ATP6V0A1: variants seen among roughly 807,000 people sequenced by gnomAD.
ATP6V0A1 encodes ATPase H+ transporting V0 subunit a1.
ATP6V0A1 carries 43 observed loss-of-function variants against 105.4 expected under a neutral mutation model. The observed-to-expected ratio is 0.41, with a 90% confidence interval of 0.32 to 0.53. The LOEUF (loss-of-function observed/expected upper bound fraction) is 0.53. Ranked by LOEUF, ATP6V0A1 falls within the 20% of genes least tolerant of loss-of-function variation. The probability of loss-of-function intolerance (pLI) is 0.30; values close to 1 mark genes in which losing one functional copy is unlikely to be tolerated. For missense variants in ATP6V0A1, 676 were observed against 1,051.1 expected (o/e 0.64, Z 4.93); for synonymous variants, 362 against 372.8 (o/e 0.97, Z 0.33).
intron 7 of ATP6V0A1, 21 bp from the exon 8 acceptor site, chr17:42,480,646 T>G: frequency 6.3e-7 from 1 of 1,594,832 alleles, no homozygotes; most frequent in Non-Finnish European, 8.5e-7. Context: ...TGAACTCTTG[T>G]TTTTTTATTC....
At chr17:42,517,699 C>T (rs186483312) in intron 21 of ATP6V0A1, among the ~76,000 whole-genome samples, 1 of 152,304 alleles carries the variant, frequency 6.6e-6, no homozygotes, top group Admixed American at 6.5e-5. Context: ...CCCAGGACTG[C>T]AGGAGGCGTT....
intron 2 of ATP6V0A1, among the ~76,000 whole-genome samples, chr17:42,462,220 CAA>C (rs1251035027): frequency 1.6e-4 from 20 of 125,068 alleles, no homozygotes; most frequent in African/African-American, 1.8e-4. Flanking sequence ...GTCTCAAAAC[CAA>C]AAAAAAAAAA....
intron 17 of ATP6V0A1, among the ~76,000 whole-genome samples, chr17:42,506,762 G>A (rs775099059): frequency 6.6e-6 from 1 of 152,130 alleles, no homozygotes; most frequent in South Asian, 2.1e-4. Context: ...TTCAAATCAA[G>A]TTGACTTTAA....
intron 9 of ATP6V0A1, among the ~76,000 whole-genome samples, chr17:42,483,734 A>T (rs796155292): frequency 6.6e-6 from 1 of 152,170 alleles, no homozygotes; most frequent in East Asian, 1.9e-4. Context: ...AGCATGTGCC[A>T]CTAAACCTGG....
Position 42,478,492 on chromosome 17 carries a change from G to T in ATP6V0A1, c.536G>T (p.Arg179Leu), listed in dbSNP as rs565034112. The T allele has an allele frequency of 6.2e-7, 1 of 1,608,096 alleles. No individual in the cohort carries two copies. Among genetic ancestry groups the T allele is most frequent in the Non-Finnish European group, 8.5e-7 (1 of 1,176,566 alleles). ...GFVAGVINRE[R>L]IPTFERMLWR... ...GTGGCTGGTGTCATTAACCGGGAGC[G>T]CATCCCTACTTTTGAGCGCATGCTT... Residue 179 changes from arginine (R) to leucine (L), a missense_variant, in exon 7 of 22, where the codon CGC (arginine) becomes CTC (leucine). This residue lies in a region of ATP6V0A1 where 239 missense variants were observed against 388.4 expected (regional missense o/e 0.62). Transcript: ENST00000343619.
At chr17:42,520,495 C>T (rs1456472392) in intron 21 of ATP6V0A1, 12 of 456,508 alleles carry the variant, frequency 2.6e-5, no homozygotes, top group Admixed American at 2.4e-4. Context: ...TTTGCCATTG[C>T]TTTGAGAAGA....
In ATP6V0A1 at chr17:42,508,625, C is replaced by T. The variant is rs369785208; in HGVS notation, c.2130+36C>T. The T allele has an allele frequency of 4.1e-4, 668 of 1,613,668 alleles. 2 individuals are homozygous for T. The highest frequency in any genetic ancestry group is 2.0e-3 in the Middle Eastern group (12 of 6,056). Reference sequence around the variant, plus strand: ...AGCTGGCGTTGCCTTCGTGTTTATCCGGGCTTCTCTCTTCCCATCCTTGTG... The same window carrying T: ...AGCTGGCGTTGCCTTCGTGTTTATCTGGGCTTCTCTCTTCCCATCCTTGTG... On this transcript the variant is annotated intron_variant, in intron 19 of 21. Coordinates refer to ENST00000343619, the MANE Select transcript of ATP6V0A1 (RefSeq NM_001130021.3).
Position 42,521,232 on chromosome 17 carries a change from C to A in ATP6V0A1, c.*112C>A. ...TCTGTGGGCACCAGCTCATTCGTGT[C>A]ACCCTGTCTGTGAGTCATTTAGATA... On this transcript the variant is annotated 3_prime_UTR_variant, in exon 22 of 22. Coordinates refer to ENST00000343619, the MANE Select transcript of ATP6V0A1 (RefSeq NM_001130021.3). This position sits in a 1 kb window ranked among gnomAD's most constrained non-coding sequence, Gnocchi z 4.8. 3 of 948,938 alleles carry A rather than the reference C, an allele frequency of 3.2e-6. No individual in the cohort carries two copies. The highest frequency in any genetic ancestry group is 1.7e-5 in the South Asian group (1 of 57,356). 58.8% of individuals were successfully genotyped at this position (948,938 alleles called of 1,614,324 possible). A position where few individuals can be genotyped will look rare whatever the true frequency, so the allele number is the denominator to read the frequency against.
chr17:42,469,601 G>A (rs993368023), intron 4 of ATP6V0A1, among the ~76,000 whole-genome samples: 1 of 151,758 alleles, frequency 6.6e-6, no homozygotes, highest in Non-Finnish European at 1.5e-5. Flanking sequence ...CTCCCTAAGT[G>A]CTGGGATTAC....
At position 42,499,105 on chromosome 17, in the gene ATP6V0A1, A is replaced by T; in HGVS notation, c.1679+63A>T. 5 of 1,183,882 alleles carry T rather than the reference A, an allele frequency of 4.2e-6. No homozygotes were observed. In the South Asian group the frequency reaches 6.5e-5, roughly 15 times the overall value. The allele number at this position is 1,183,882 out of a possible 1,614,324, so 73.3% of individuals were successfully genotyped here. ...TTTAGAGAATGCTTTTGTGTAAAGA[A>T]ATCATGACATCTTTGGGGAGGGATT... On this transcript the variant is annotated intron_variant, in intron 15 of 21. Transcript: ENST00000343619.
intron 21 of ATP6V0A1, chr17:42,520,281 G>A (rs2092785719): frequency 2.7e-6 from 1 of 368,974 alleles, no homozygotes; most frequent in Non-Finnish European, 5.4e-6. Context: ...AGCTGTCCAG[G>A]GTGAGTTTGC....
chr17:42,516,642 G>A (rs921110893), intron 21 of ATP6V0A1, among the ~76,000 whole-genome samples: 1 of 152,216 alleles, frequency 6.6e-6, no homozygotes, highest in Non-Finnish European at 1.5e-5. Context: ...TGGGTAGCCG[G>A]TCATCTCCCT....
intron 21 of ATP6V0A1, chr17:42,519,453 ATTG>A (rs913735585): frequency 6.6e-6 from 1 of 152,202 alleles, no homozygotes; most frequent in African/African-American, 2.4e-5. Context: ...CTGGCTATGT[ATTG>A]TTGAATGAAA....
chr17:42,478,676 T>G, intron 7 of ATP6V0A1, 87 bp downstream of exon 7: 3 of 1,362,500 alleles, frequency 2.2e-6, no homozygotes, highest in Non-Finnish European at 2.9e-6. Context: ...CTGAATCCAG[T>G]GCTTCCACAG....
At chr17:42,463,878 G>C (rs2086726813) in intron 2 of ATP6V0A1, among the ~76,000 whole-genome samples, 1 of 152,138 alleles carries the variant, frequency 6.6e-6, no homozygotes, top group Non-Finnish European at 1.5e-5. Context: ...TTACAATAAA[G>C]TAAGCTAGAG....
At chr17:42,490,200 A>G (rs1159167878) in intron 10 of ATP6V0A1, among the ~76,000 whole-genome samples, 1 of 152,240 alleles carries the variant, frequency 6.6e-6, no homozygotes, top group East Asian at 1.9e-4. Flanking sequence ...CTTTGGTGAC[A>G]TATTTTAAAG....
chr17:42,501,336 G>C, intron 17 of ATP6V0A1, 32 bp downstream of exon 17: 1 of 1,517,010 alleles, frequency 6.6e-7, no homozygotes, highest in Non-Finnish European at 9.1e-7. Flanking sequence ...AAAGTTACTA[G>C]ACTTTTGTTT....
At chr17:42,461,074 C>A in intron 2 of ATP6V0A1, 63 bp downstream of exon 2, 2 of 1,333,018 alleles carry the variant, frequency 1.5e-6, no homozygotes, top group Non-Finnish European at 2.2e-6. Context: ...TGGTCAGATG[C>A]CTTATGATGA....
rs1311497633 is a variant in ATP6V0A1, at chr17:42,466,456, C to A, written c.145C>A (p.Arg49=). 3 of 1,612,814 alleles carry A rather than the reference C, an allele frequency of 1.9e-6. No individual in the cohort carries two copies. The highest frequency in any genetic ancestry group is 2.5e-6 in the Non-Finnish European group (3 of 1,179,116). ...AAATCCAGATGTGAATGTTTTCCAA[C>A]GGAAATTTGTGAATGAAGTTAGAAG... is the stretch of plus-strand genomic sequence containing the variant. The part of the protein sequence containing the change: ...DLNPDVNVFQ[R]KFVNEVRRCE... Residue 49 remains arginine, a synonymous_variant, in exon 3 of 22, where the codon CGG becomes AGG. Coordinates refer to ENST00000343619, the MANE Select transcript of ATP6V0A1 (RefSeq NM_001130021.3).
Sources: gnomAD v4.1 joint callset for allele counts (sites outside exome capture counted in the v4.1 genomes callset) on GRCh38, gnomAD v4.1.1 for gene constraint, gnomAD v4.1.1 regional missense constraint, Gnocchi (gnomAD v3.1) non-coding constraint, MANE v1.5 for transcripts, NCBI Gene and HGNC (gene_info 2026-07-23, HGNC 2026-07-21) for gene names.